The following SLC2A14 variants were observed in gnomAD, a reference collection of about 807,000 sequenced individuals.
SLC2A14 encodes solute carrier family 2, facilitated glucose transporter member 14.
SLC2A14 carries 13 observed loss-of-function variants against 43.0 expected under a neutral mutation model. That is an observed-to-expected ratio of 0.30 (90% CI 0.20 to 0.48). The LOEUF (loss-of-function observed/expected upper bound fraction) is 0.48, where lower values mean the gene tolerates loss of function less well. Among genes scored for constraint, SLC2A14 ranks in the 20% least tolerant of loss-of-function variants. The pLI is 0.99. For missense variants in SLC2A14, 428 were observed against 620.4 expected, an observed-to-expected ratio of 0.69 and a Z score of 3.29; for synonymous variants, 190 against 233.8, an observed-to-expected ratio of 0.81 and a Z score of 1.71.
At chr12:7,839,922 TACAAAAAAAA>T (rs1865789107) in intron 2 of SLC2A14, 2 of 68,648 alleles carry the variant, frequency 2.9e-5, no homozygotes, top group South Asian at 2.0e-4. Flanking sequence ...ACCCTGTCTC[TACAAAAAAAA>T]AAAAAAAAAA....
intron 10 of SLC2A14, among the ~76,000 whole-genome samples, chr12:7,817,370 C>G (rs185717719): frequency 1.2e-3 from 185 of 152,254 alleles, no homozygotes; most frequent in Admixed American, 3.3e-3. Flanking sequence ...CTGCCTCAGC[C>G]GCCCAAAGTG....
At chr12:7,820,232 G>A (rs891256940) in intron 8 of SLC2A14, among the ~76,000 whole-genome samples, 2 of 143,622 alleles carry the variant, frequency 1.4e-5, no homozygotes, top group Admixed American at 7.0e-5. Flanking sequence ...ACCTCGCCCT[G>A]TGAATCTCTT....
intron 7 of SLC2A14, 107 bp from the exon 8 acceptor site, chr12:7,821,432 C>T: frequency 1.0e-6 from 1 of 970,100 alleles, no homozygotes; most frequent in Non-Finnish European, 1.6e-6. Context: ...CCTGTAATCC[C>T]AGCACTTTGG....
intron 2 of SLC2A14, chr12:7,863,540 T>A (rs920951706): frequency 6.1e-5 from 24 of 392,762 alleles, no homozygotes; most frequent in Non-Finnish European, 5.1e-6. Context: ...GGCAGGAGAA[T>A]GAACCCAGGA....
chr12:7,869,947 G>A lies in SLC2A14; in HGVS notation c.-57-10C>T, dbSNP rs998497868. The stretch of plus-strand genomic sequence containing the variant: ...TTCAAGGTACTGCTTCCTGTAAATT[G>A]TAATTGTCTAGTTATTCATTTACTC... On this transcript the variant is annotated splice_polypyrimidine_tract_variant and intron_variant, in intron 1 of 10. Transcript: ENST00000431042. 2.0e-6 allele frequency: 3 copies of A among 1,502,946 alleles called. No individual in the cohort carries two copies. The highest frequency in any genetic ancestry group is 2.7e-6 in the Non-Finnish European group (3 of 1,122,576). The allele number at this position is 1,502,946 out of a possible 1,614,324, so 93.1% of individuals were successfully genotyped here.
At chr12:7,826,854 CTTTCTTTT>C (rs1565507325) in intron 7 of SLC2A14, among the ~76,000 whole-genome samples, 23 of 8,250 alleles carry the variant, frequency 2.8e-3, no homozygotes, top group Non-Finnish European at 6.2e-3. Flanking sequence ...TCCTTCCTTC[CTTTCTTTT>C]TTCTTTCTTT....
At chr12:7,860,303 A>G (rs913292508) in intron 2 of SLC2A14, 2 of 152,252 alleles carry the variant, frequency 1.3e-5, no homozygotes, top group African/African-American at 2.4e-5. Context: ...CAGGCAGAAG[A>G]TAAAAGGAAA....
At chr12:7,882,254 G>A (rs903017410) in intron 1 of SLC2A14, among the ~76,000 whole-genome samples, 5 of 151,800 alleles carry the variant, frequency 3.3e-5, no homozygotes, top group Non-Finnish European at 7.4e-5. Flanking sequence ...CAGACGGGTT[G>A]CCTTAAGAGA....
At chr12:7,832,587 A>C in intron 3 of SLC2A14, 135 bp downstream of exon 3, 1 of 887,558 alleles carries the variant, frequency 1.1e-6, no homozygotes, top group African/African-American at 1.7e-5. Context: ...GTGATCTTTA[A>C]GCCTCAGCCT....
Position 7,887,570 on chromosome 12 carries a change from TA to T in SLC2A14, c.132+3425del, listed in dbSNP as rs1332113514. Among the ~76,000 whole-genome samples the T allele has an allele frequency of 1.2e-4, 9 of 72,410 alleles. No homozygotes were observed. In the East Asian group the frequency reaches 2.8e-3, roughly 23 times the overall value. 47.5% of individuals were successfully genotyped at this position (72,410 alleles called of 152,430 possible). On this transcript the variant is annotated intron_variant, in intron 1 of 9. Coordinates refer to the SLC2A14 transcript ENST00000539924. ...TAGGTAGATAAATCAGATAGATAGA[TA>T]GATAGATAGATAGATAGATAGATAG...
intron 2 of SLC2A14, among the ~76,000 whole-genome samples, chr12:7,835,355 C>G (rs1437763919): frequency 6.6e-6 from 1 of 152,136 alleles, no homozygotes; most frequent in Non-Finnish European, 1.5e-5. Flanking sequence ...TCACTGCACT[C>G]CAGCCTGGGT....
chr12:7,884,179 C>T (rs1282061214), intron 1 of SLC2A14, among the ~76,000 whole-genome samples: 2 of 152,032 alleles, frequency 1.3e-5, no homozygotes, highest in African/African-American at 4.8e-5. Context: ...CTCAGCCTCC[C>T]AAAGTGCTGG....
In SLC2A14 at chr12:7,813,540, A is replaced by C. The variant is rs751927083; in HGVS notation, c.*776T>G. ...TCTTAAAGATAAAGTTCCAAAGGAAATGAGTAGCTTTATTAAATAGGCATA... is the reference window on the plus strand; with the variant it reads ...TCTTAAAGATAAAGTTCCAAAGGAACTGAGTAGCTTTATTAAATAGGCATA... On this transcript the variant is annotated 3_prime_UTR_variant, in exon 11 of 11. Coordinates refer to ENST00000431042, the MANE Select transcript of SLC2A14 (RefSeq NM_001286234.2). The C allele has an allele frequency of 6.6e-6, 1 of 152,338 alleles. No individual in the cohort carries two copies. Among genetic ancestry groups the C allele is most frequent in the African/African-American group, 2.4e-5 (1 of 41,584 alleles). The allele number at this position is 152,338 out of a possible 1,614,324, so 9.4% of individuals were successfully genotyped here.
chr12:7,862,264 C>CAAAA lies in SLC2A14; in HGVS notation c.18+7595_18+7598dup, dbSNP rs71038792. On this transcript the variant is annotated intron_variant, in intron 2 of 10. Transcript: ENST00000431042. ...GGGCTACAGAGCCAGACTTGTCTCT[C>CAAAA]AAAAAAAAAAAAAAAAAAAAAAAAG... Among the ~76,000 whole-genome samples, 120 of 58,546 alleles carry CAAAA rather than the reference C, an allele frequency of 2.0e-3. 1 individual carries two copies. Among genetic ancestry groups the CAAAA allele is most frequent in the Non-Finnish European group, 2.0e-3 (64 of 32,294 alleles). The allele number at this position is 58,546 out of a possible 152,430, so 38.4% of individuals were successfully genotyped here.
At chr12:7,869,323 G>A (rs538304362) in intron 2 of SLC2A14, among the ~76,000 whole-genome samples, 85 of 152,176 alleles carry the variant, frequency 5.6e-4, no homozygotes, top group African/African-American at 1.6e-3. Flanking sequence ...TAGGCATTAC[G>A]TAACTTAACC....
intron 2 of SLC2A14, among the ~76,000 whole-genome samples, chr12:7,853,946 A>C (rs1305877833): frequency 6.6e-6 from 1 of 152,186 alleles, no homozygotes; most frequent in African/African-American, 2.4e-5. Context: ...ATTTATAGTC[A>C]CCTTAGTGTA....
At chr12:7,824,483 C>T (rs554479570) in intron 7 of SLC2A14, among the ~76,000 whole-genome samples, 87 of 152,062 alleles carry the variant, frequency 5.7e-4, no homozygotes, top group Non-Finnish European at 1.1e-3. Flanking sequence ...CCTGTAATCC[C>T]AGCACTCTGG....
chr12:7,870,015 C>T lies in SLC2A14; in HGVS notation c.-57-78G>A, dbSNP rs375300442. ...TGAGGGAAGAGGCTGTGATTTAGCC[C>T]CCTCGCCAATGGACACTCCAATAAA... On this transcript the variant is annotated intron_variant, in intron 1 of 10. Transcript: ENST00000431042. The T allele has an allele frequency of 6.1e-6, 5 of 813,288 alleles. No homozygotes were observed. The African/African-American group carries it at 8.6e-5, about 14-fold the overall frequency. 50.4% of individuals were successfully genotyped at this position (813,288 alleles called of 1,614,324 possible).
In SLC2A14 at chr12:7,841,836, T is replaced by C. The variant is rs778880220; in HGVS notation, c.19-9022A>G. Among the ~76,000 whole-genome samples, 10 of 151,874 alleles carry C rather than the reference T, an allele frequency of 6.6e-5. No individual in the cohort carries two copies. The South Asian group carries it at 2.1e-3, about 32-fold the overall frequency. On this transcript the variant is annotated intron_variant, in intron 2 of 10. Transcript: ENST00000431042. The stretch of plus-strand genomic sequence containing the variant: ...GCCCAACCAACATGGTGAAACCCCA[T>C]CTCTACTAAAAATATAAAATTAGCC...
Sources: allele counts gnomAD v4.1 joint callset (sites outside exome capture counted in the v4.1 genomes callset), GRCh38; gene constraint gnomAD v4.1.1; transcripts MANE v1.5; gene names NCBI Gene and HGNC (gene_info 2026-07-23, HGNC 2026-07-21).